SLC39A9: variants seen among roughly 807,000 people sequenced by gnomAD.
SLC39A9 encodes the protein solute carrier family 39 member 9.
SLC39A9 carries 14 observed loss-of-function variants against 28.4 expected under a neutral mutation model. That is an observed-to-expected ratio of 0.49 (90% confidence interval 0.33 to 0.77). The LOEUF is 0.77. SLC39A9 is among the 30% of genes least tolerant of loss of function. SLC39A9 has a pLI of 0.02. For synonymous variants in SLC39A9, 119 were observed against 149.6 expected (o/e 0.80, Z 1.49); for missense variants, 283 against 381.1 (o/e 0.74, Z 2.14).
chr14:69,444,593 T>C (rs4899296), intron 3 of SLC39A9, among the ~76,000 whole-genome samples: 10,006 of 152,306 alleles, frequency 0.066, 431 homozygotes, highest in East Asian at 0.12. Context: ...GAGAGGAATT[T>C]GGCAGTATCT....
At chr14:69,421,497 C>G (rs1277663101) in intron 1 of SLC39A9, among the ~76,000 whole-genome samples, 1 of 152,228 alleles carries the variant, frequency 6.6e-6, no homozygotes, top group Non-Finnish European at 1.5e-5. Flanking sequence ...ATTCTCAGAG[C>G]TCAGACACCA....
rs1016972205 is a variant in SLC39A9, at chr14:69,457,183, T to TACAC, written c.694-1160_694-1157dup. 1.6e-4 allele frequency among the ~76,000 whole-genome samples: 25 copies of TACAC among 151,780 alleles called. No individual in the cohort carries two copies. In the East Asian group the frequency reaches 4.6e-3, roughly 28 times the overall value. ...TTAGCTTATGAGATATACATATATATACACACACACACACACACACACATT... is the reference window on the plus strand; with the variant it reads ...TTAGCTTATGAGATATACATATATATACACACACACACACACACACACACACATT... On this transcript the variant is annotated intron_variant, in intron 6 of 6. Transcript: ENST00000336643.
chr14:69,435,649 C>G (rs993381239), intron 2 of SLC39A9, among the ~76,000 whole-genome samples: 2 of 152,106 alleles, frequency 1.3e-5, no homozygotes, highest in Non-Finnish European at 1.5e-5. Context: ...TTCCCTGATT[C>G]TTTCCTCTGT....
At chr14:69,406,329 C>T (rs1882910259) in intron 1 of SLC39A9, among the ~76,000 whole-genome samples, 1 of 152,138 alleles carries the variant, frequency 6.6e-6, no homozygotes, top group Non-Finnish European at 1.5e-5. Flanking sequence ...GTGAACTATC[C>T]AAGATGAATT....
intron 1 of SLC39A9, among the ~76,000 whole-genome samples, chr14:69,419,751 T>A (rs1265175807): frequency 6.6e-6 from 1 of 152,200 alleles, no homozygotes; most frequent in Admixed American, 6.5e-5. Flanking sequence ...TTTACCATTA[T>A]ATAATGGCCT....
intron 1 of SLC39A9, among the ~76,000 whole-genome samples, chr14:69,415,608 C>T (rs1883525780): frequency 6.6e-6 from 1 of 152,048 alleles, no homozygotes. Flanking sequence ...ACCTAGTAGC[C>T]ATTCTGAATG....
At chr14:69,422,850 G>T (rs575702574) in intron 1 of SLC39A9, among the ~76,000 whole-genome samples, 2 of 152,116 alleles carry the variant, frequency 1.3e-5, no homozygotes, top group Middle Eastern at 3.4e-3. Context: ...TAGTTTTTAA[G>T]ATCATTTTTC....
chr14:69,433,505 A>G (rs898103839), intron 2 of SLC39A9, among the ~76,000 whole-genome samples: 1 of 152,220 alleles, frequency 6.6e-6, no homozygotes, highest in Non-Finnish European at 1.5e-5. Flanking sequence ...TATAAAATCA[A>G]TAATATTTCT....
At chr14:69,439,907 C>T (rs1014360029) in intron 2 of SLC39A9, among the ~76,000 whole-genome samples, 4 of 152,082 alleles carry the variant, frequency 2.6e-5, no homozygotes, top group Non-Finnish European at 5.9e-5. Context: ...CTTAATAGAA[C>T]GATCCTAAAA....
rs1163388505 is a variant in SLC39A9, at chr14:69,454,600, T to C, written c.473-212T>C. ...ATACTCTGGGCCAGATGCTATGCTC[T>C]TTACATAAGTTATCTCATTTAATCC... On this transcript the variant is annotated intron_variant, in intron 4 of 6. Transcript: ENST00000336643. The C allele has an allele frequency of 7.2e-6, 3 of 413,928 alleles. No homozygotes were observed. The East Asian group carries it at 1.1e-4, about 15-fold the overall frequency. The allele number at this position is 413,928 out of a possible 1,614,324, so 25.6% of individuals were successfully genotyped here.
chr14:69,446,886 AAAAG>A (rs1465649359), intron 3 of SLC39A9, among the ~76,000 whole-genome samples: 1 of 146,928 alleles, frequency 6.8e-6, no homozygotes, highest in Admixed American at 6.7e-5. Context: ...AAAAAAAAAA[AAAAG>A]AAAAAGAAAA....
intron 2 of SLC39A9, among the ~76,000 whole-genome samples, chr14:69,439,410 G>A (rs1433893782): frequency 6.6e-6 from 1 of 152,106 alleles, no homozygotes; most frequent in Non-Finnish European, 1.5e-5. Context: ...GGAGGTAAAA[G>A]ATCTATATGC....
chr14:69,457,322 C>T (rs949018300), intron 6 of SLC39A9, among the ~76,000 whole-genome samples: 29 of 152,248 alleles, frequency 1.9e-4, no homozygotes, highest in African/African-American at 6.7e-4. Context: ...CCTGCCCCAG[C>T]TTCCGGAGTA....
At chr14:69,423,421 A>C (rs571300072) in intron 1 of SLC39A9, among the ~76,000 whole-genome samples, 26 of 152,274 alleles carry the variant, frequency 1.7e-4, no homozygotes, top group Admixed American at 1.5e-3. Flanking sequence ...CTTAGGATGA[A>C]TTTCTAGAAG....
At chr14:69,457,180 A>G (rs1316411669) in intron 6 of SLC39A9, among the ~76,000 whole-genome samples, 2 of 151,732 alleles carry the variant, frequency 1.3e-5, no homozygotes, top group East Asian at 3.9e-4. Flanking sequence ...ATATACATAT[A>G]TATACACACA....
In SLC39A9 at chr14:69,400,478, AG is replaced by A. The variant is rs537926929; in HGVS notation, c.96+1019del. 3.9e-5 allele frequency among the ~76,000 whole-genome samples: 6 copies of A among 152,334 alleles called. No individual in the cohort carries two copies. In the South Asian group the frequency reaches 8.3e-4, roughly 21 times the overall value. ...CGAAGTGCACAGCGTTCAAAGATTT[AG>A]GGGGGAAAAACTACTACATTCAAAG... On this transcript the variant is annotated intron_variant, in intron 1 of 6. Transcript: ENST00000336643.
chr14:69,447,087 A>G (rs1298984407), intron 3 of SLC39A9, among the ~76,000 whole-genome samples: 1 of 152,116 alleles, frequency 6.6e-6, no homozygotes, highest in South Asian at 2.1e-4. Context: ...TGGCTCAGGC[A>G]CGCATCATCA....
chr14:69,413,601 A>C (rs1451565944), intron 1 of SLC39A9, among the ~76,000 whole-genome samples: 1 of 152,134 alleles, frequency 6.6e-6, no homozygotes, highest in Non-Finnish European at 1.5e-5. Context: ...ATGAACCATT[A>C]GAAACTGTCA....
intron 1 of SLC39A9, among the ~76,000 whole-genome samples, chr14:69,413,881 A>G (rs981028666): frequency 1.3e-5 from 2 of 151,900 alleles, no homozygotes; most frequent in Non-Finnish European, 2.9e-5. Context: ...TTCTCCATCT[A>G]TATATTGAGA....
Sources: gnomAD v4.1 joint callset for allele counts (sites outside exome capture counted in the v4.1 genomes callset) on GRCh38, gnomAD v4.1.1 for gene constraint, MANE v1.5 for transcripts, NCBI Gene and HGNC (gene_info 2026-07-23, HGNC 2026-07-21) for gene names.